OPCML: variants seen among roughly 807,000 people sequenced by gnomAD.
OPCML encodes the protein opioid-binding protein/cell adhesion molecule.
Under a neutral mutation model 37.8 loss-of-function variants are expected in OPCML, and 13 were observed. The observed-to-expected ratio is 0.34, with a 90% CI of 0.22 to 0.55. The LOEUF (loss-of-function observed/expected upper bound fraction) is 0.55, where lower values mean the gene tolerates loss of function less well. Ranked by LOEUF, OPCML falls within the 20% of genes least tolerant of loss-of-function variation. The pLI is 0.91. For missense variants in OPCML, 341 were observed against 435.6 expected (o/e 0.78, Z 1.93); for synonymous variants, 176 against 168.8 (o/e 1.04, Z -0.33).
At chr11:132,568,986 A>T (rs1440585775) in intron 3 of OPCML, among the ~76,000 whole-genome samples, 1 of 152,240 alleles carries the variant, frequency 6.6e-6, no homozygotes, top group African/African-American at 2.4e-5. Flanking sequence ...GAGGAAAGCC[A>T]TTATGGATCG....
At chr11:132,862,281 A>G (rs2659631) in intron 2 of OPCML, among the ~76,000 whole-genome samples, 78,000 of 151,992 alleles carry the variant, frequency 0.51, 20,830 homozygotes, top group African/African-American at 0.64. Context: ...GTTGGCTTAC[A>G]TCTGCACTGC....
chr11:132,474,982 C>A (rs1356689827), intron 4 of OPCML, among the ~76,000 whole-genome samples: 4 of 152,152 alleles, frequency 2.6e-5, no homozygotes, highest in Non-Finnish European at 5.9e-5. Context: ...CTCTCCATTA[C>A]CATTACTGGA....
chr11:133,190,118 T>C (rs923089236), intron 1 of OPCML, among the ~76,000 whole-genome samples: 2 of 152,226 alleles, frequency 1.3e-5, no homozygotes, highest in African/African-American at 4.8e-5. Flanking sequence ...ATGTGCCTGA[T>C]GAATTCCAAT....
At chr11:133,345,671 G>C (rs2136680152) in intron 1 of OPCML, among the ~76,000 whole-genome samples, 2 of 152,196 alleles carry the variant, frequency 1.3e-5, no homozygotes, top group East Asian at 3.9e-4. Context: ...ACTTCCTTCT[G>C]GTACTTTTGG....
At chr11:133,489,850 A>T (rs926640300) in intron 1 of OPCML, among the ~76,000 whole-genome samples, 20 of 143,882 alleles carry the variant, frequency 1.4e-4, no homozygotes, top group East Asian at 9.9e-4. Flanking sequence ...ATATATATAT[A>T]TATTTTTTTA....
rs556676067 is a variant in OPCML, at chr11:133,189,498, T to C, written c.62-246488A>G. 2.0e-5 allele frequency among the ~76,000 whole-genome samples: 3 copies of C among 152,324 alleles called. No homozygotes were observed. The East Asian group carries it at 5.8e-4, about 29-fold the overall frequency. ...TTGTATATTGGATACTAGTTAAATCTTACCTGATAAATAAATGTAGTATCC... is the reference window on the plus strand; with the variant it reads ...TTGTATATTGGATACTAGTTAAATCCTACCTGATAAATAAATGTAGTATCC... On this transcript the variant is annotated intron_variant, in intron 1 of 7. Coordinates refer to ENST00000524381, the MANE Select transcript of OPCML (RefSeq NM_001012393.5).
chr11:132,678,276 C>A (rs976695837), intron 2 of OPCML, among the ~76,000 whole-genome samples: 7 of 152,218 alleles, frequency 4.6e-5, no homozygotes, highest in African/African-American at 1.7e-4. Flanking sequence ...GCAACAGGAA[C>A]TCTCCTTCAT....
At chr11:133,455,447 T>C (rs897166196) in intron 1 of OPCML, among the ~76,000 whole-genome samples, 3 of 152,148 alleles carry the variant, frequency 2.0e-5, no homozygotes, top group African/African-American at 4.8e-5. Context: ...GTTAGAAAAA[T>C]CAAACCCTAC....
intron 3 of OPCML, among the ~76,000 whole-genome samples, chr11:132,560,448 A>G (rs541603473): frequency 6.6e-6 from 1 of 152,306 alleles, no homozygotes; most frequent in African/African-American, 2.4e-5. Flanking sequence ...ATTTTGGTGC[A>G]TCCATCACCC....
chr11:132,567,940 G>A (rs2096427751), intron 3 of OPCML, among the ~76,000 whole-genome samples: 1 of 152,158 alleles, frequency 6.6e-6, no homozygotes, highest in African/African-American at 2.4e-5. Flanking sequence ...CTGGGAAAAT[G>A]GCAACATAAT....
intron 4 of OPCML, among the ~76,000 whole-genome samples, chr11:132,452,008 A>G (rs956412159): frequency 2.6e-5 from 4 of 151,912 alleles, no homozygotes; most frequent in African/African-American, 7.3e-5. Flanking sequence ...CCTGGGTTCA[A>G]TGTCACGCTC....
chr11:132,647,888 C>T (rs1251387339), intron 3 of OPCML, among the ~76,000 whole-genome samples: 3 of 152,154 alleles, frequency 2.0e-5, no homozygotes, highest in East Asian at 3.9e-4. Flanking sequence ...TTCTATTGCT[C>T]TTCAATTTCT....
intron 1 of OPCML, among the ~76,000 whole-genome samples, chr11:132,994,170 A>C (rs1327276407): frequency 1.3e-5 from 2 of 152,210 alleles, no homozygotes; most frequent in African/African-American, 4.8e-5. Context: ...GTTAGTCCGA[A>C]TGTAAATAAG....
intron 1 of OPCML, among the ~76,000 whole-genome samples, chr11:132,990,833 C>T (rs533733874): frequency 1.3e-5 from 2 of 152,308 alleles, no homozygotes; most frequent in African/African-American, 2.4e-5. Context: ...TGGTAACTAA[C>T]CTCACTGGAT....
chr11:132,578,527 C>G lies in OPCML; in HGVS notation c.380-49341G>C, dbSNP rs945958207. 2.6e-5 allele frequency among the ~76,000 whole-genome samples: 4 copies of G among 152,174 alleles called. No individual in the cohort carries two copies. In the East Asian group the frequency reaches 7.7e-4, roughly 29 times the overall value. On this transcript the variant is annotated intron_variant, in intron 3 of 7. Coordinates refer to ENST00000524381, the MANE Select transcript of OPCML (RefSeq NM_001012393.5). ...AAAGAGCTTTTGTCCACAACTTGTACTCATTTTAAGGTATGACAGTTCCAA... is the reference window on the plus strand; with the variant it reads ...AAAGAGCTTTTGTCCACAACTTGTAGTCATTTTAAGGTATGACAGTTCCAA...
chr11:133,245,889 T>C (rs1437339881), intron 1 of OPCML, among the ~76,000 whole-genome samples: 1 of 152,090 alleles, frequency 6.6e-6, no homozygotes, highest in African/African-American at 2.4e-5. Flanking sequence ...ACACTGGATG[T>C]TCTCATTCAT....
intron 1 of OPCML, among the ~76,000 whole-genome samples, chr11:133,355,696 A>G (rs1326474285): frequency 6.6e-6 from 1 of 152,202 alleles, no homozygotes; most frequent in Non-Finnish European, 1.5e-5. Flanking sequence ...CTAGGAGTCC[A>G]AGAAATAATT....
chr11:132,640,769 G>A (rs577814938), intron 3 of OPCML, among the ~76,000 whole-genome samples: 10 of 152,264 alleles, frequency 6.6e-5, no homozygotes, highest in South Asian at 2.1e-4. Context: ...GAAAGCCTGA[G>A]CTCATATGAC....
At chr11:133,025,344 G>A (rs1306501676) in intron 1 of OPCML, 3 of 985,270 alleles carry the variant, frequency 3.0e-6, no homozygotes, top group African/African-American at 1.7e-5. Flanking sequence ...CTGTTATTAA[G>A]TTTTCGATTA....
Sources: allele counts gnomAD v4.1 joint callset (sites outside exome capture counted in the v4.1 genomes callset), GRCh38; gene constraint gnomAD v4.1.1; transcripts MANE v1.5; gene names NCBI Gene and HGNC (gene_info 2026-07-23, HGNC 2026-07-21).